Variants in BSDC1 observed in about 807,000 individuals in gnomAD.
BSDC1 encodes BSD domain containing 1.
In BSDC1, 29 loss-of-function variants were observed where a neutral mutation model predicts 56.0. That is an observed-to-expected ratio of 0.52 (90% CI 0.39 to 0.71). The LOEUF is 0.71. Ranked by LOEUF, BSDC1 falls within the 30% of genes least tolerant of loss-of-function variation. The pLI is 0.00. For missense variants in BSDC1, 477 were observed against 548.5 expected, an observed-to-expected ratio of 0.87 and a Z score of 1.30; for synonymous variants, 210 against 215.3, an observed-to-expected ratio of 0.98 and a Z score of 0.21.
rs1424040179 is a variant in BSDC1 at position 32,376,479 on chromosome 1, G to A, written c.939C>T (p.Ser313=). The A allele has an allele frequency of 9.3e-6, 15 of 1,612,328 alleles. No homozygotes were observed. Among genetic ancestry groups the A allele is most frequent in the Non-Finnish European group, 1.3e-5 (15 of 1,178,660 alleles). The change falls in exon 9 of 11, where the codon TCC becomes TCT. Residue 313 remains serine, a synonymous_variant. Coordinates refer to ENST00000455895, the MANE Select transcript of BSDC1 (RefSeq NM_018045.8). The part of the protein sequence containing the change: ...KDLSQKLLEA[S]LEEQGLAVDV... ...CCACAGCCAGGCCCTGTTCCTCCAAGGATGCCTCTAGCAGCTTTTGGGACA... is the reference window on the plus strand; with the variant it reads ...CCACAGCCAGGCCCTGTTCCTCCAAAGATGCCTCTAGCAGCTTTTGGGACA...
Position 32,368,492 on chromosome 1 carries a change from T to C in BSDC1, c.1215A>G (p.Glu405=). The change falls in exon 10 of 11, where the codon GAA becomes GAG. Residue 405 remains glutamate, a synonymous_variant. Transcript: ENST00000455895. ...WEKDFDLDMT[E]EEVQMALSKV... is the part of the protein sequence containing the mutation. Reference sequence around the variant, plus strand: ...TGGAAAGTGCCATCTGCACCTCCTCTTCAGTCATGTCCAAGTCAAAGTCTT... The same window carrying C: ...TGGAAAGTGCCATCTGCACCTCCTCCTCAGTCATGTCCAAGTCAAAGTCTT... 1 of 1,614,154 alleles carries C rather than the reference T, an allele frequency of 6.2e-7. No homozygotes were observed. Among genetic ancestry groups the C allele is most frequent in the Non-Finnish European group, 8.5e-7 (1 of 1,180,020 alleles).
chr1:32,394,050 T>A, intron 2 of BSDC1, 30 bp downstream of exon 2: 2 of 1,600,802 alleles, frequency 1.2e-6, no homozygotes, highest in Non-Finnish European at 8.5e-7. Flanking sequence ...AGGGCCCTGC[T>A]GAGGGAAGAA....
chr1:32,369,061 T>A (rs1344505742), intron 9 of BSDC1, among the ~76,000 whole-genome samples: 1 of 152,018 alleles, frequency 6.6e-6, no homozygotes, highest in Non-Finnish European at 1.5e-5. Context: ...TAGCAAAGAG[T>A]GTTCACTGCA....
chr1:32,368,217 A>G, intron 10 of BSDC1: 1 of 1,458,974 alleles, frequency 6.9e-7, no homozygotes, highest in Non-Finnish European at 9.0e-7. Flanking sequence ...TTTGATACAG[A>G]GCTAAGGTCA....
intron 9 of BSDC1, among the ~76,000 whole-genome samples, chr1:32,371,575 G>T (rs1395159876): frequency 6.6e-6 from 1 of 151,988 alleles, no homozygotes; most frequent in Non-Finnish European, 1.5e-5. Context: ...TTCCCAAAGT[G>T]CTGAGATTAC....
At position 32,377,997 on chromosome 1, in the gene BSDC1, C is replaced by G; in HGVS notation, c.649G>C (p.Glu217Gln). ...TCCTCCTCCTCCCAGCCGGGCTCTT[C>G]AGAGATGCTCTGTTCCGCCCGCTGC... The part of the protein sequence containing the change: ...LKQRAEQSIS[E>Q]EPGWEEEEEE... The change falls in exon 8 of 11, where the codon GAA becomes CAA. Residue 217 changes from glutamate to glutamine, a missense_variant. Glu to Gln is a conservative substitution (Grantham distance 29). Transcript: ENST00000455895. 1 of 1,613,502 alleles carries G rather than the reference C, an allele frequency of 6.2e-7. No homozygotes were observed. Among genetic ancestry groups the G allele is most frequent in the Non-Finnish European group, 8.5e-7 (1 of 1,179,694 alleles).
rs762062939 is a variant in BSDC1, at chr1:32,378,291, G to A, written c.529-8C>T. The A allele has an allele frequency of 1.2e-6, 2 of 1,614,108 alleles. No homozygotes were observed. The highest frequency in any genetic ancestry group is 2.2e-5 in the South Asian group (2 of 91,080). On this transcript the variant is annotated splice_region_variant and splice_polypyrimidine_tract_variant and intron_variant, in intron 6 of 10. Transcript: ENST00000455895. The surrounding 1 kb of genome is among the most constrained non-coding windows in gnomAD (Gnocchi z 5.2). ...GGAAACAGCTGCTGGAACCTGGAGG[G>A]AGGGGAAAATGGAGGTGAGACTTTG...
intron 10 of BSDC1, chr1:32,367,093 G>A (rs192857539): frequency 7.1e-6 from 7 of 988,162 alleles, no homozygotes; most frequent in Middle Eastern, 5.2e-4. Context: ...TAGTCTTTGG[G>A]TGAATGGAGG....
chr1:32,378,428 C>A lies in BSDC1; in HGVS notation c.529-145G>T. ...GTGACAGTCAGAGCACTTCCACCCC[C>A]ACCAAAGTTTCAGCCAGACCCACCT... On this transcript the variant is annotated intron_variant, in intron 6 of 10. Coordinates refer to ENST00000455895, the MANE Select transcript of BSDC1 (RefSeq NM_018045.8). The surrounding 1 kb of genome is among the most constrained non-coding windows in gnomAD (Gnocchi z 5.2). 1 of 819,388 alleles carries A rather than the reference C, an allele frequency of 1.2e-6. No homozygotes were observed. The allele number at this position is 819,388 out of a possible 1,614,324, so 50.8% of individuals were successfully genotyped here.
intron 9 of BSDC1, chr1:32,369,133 A>G (rs1261298134): frequency 1.9e-6 from 1 of 527,278 alleles, no homozygotes; most frequent in Non-Finnish European, 3.0e-6. Flanking sequence ...GGAATTAGAC[A>G]AGTAAACAGT....
At chr1:32,380,258 G>A (rs1377763542) in intron 5 of BSDC1, among the ~76,000 whole-genome samples, 1 of 152,144 alleles carries the variant, frequency 6.6e-6, no homozygotes, top group East Asian at 1.9e-4. Context: ...ACTAAAAGGC[G>A]GGTGCTCCCT....
At position 32,378,529 on chromosome 1, in the gene BSDC1, C is replaced by T. The variant is rs539284480; in HGVS notation, c.528+195G>A. On this transcript the variant is annotated intron_variant, in intron 6 of 10. Coordinates refer to ENST00000455895, the MANE Select transcript of BSDC1 (RefSeq NM_018045.8). The surrounding 1 kb of genome is among the most constrained non-coding windows in gnomAD (Gnocchi z 5.2). ...GCTGGCCCTTCCATTTCTCACCATT[C>T]TCTGATTGCCAGAAGCCTGGCAAAC... is the stretch of plus-strand genomic sequence containing the variant. Among the ~76,000 whole-genome samples the T allele has an allele frequency of 2.6e-4, 39 of 152,334 alleles. No individual in the cohort carries two copies. The South Asian group carries it at 7.9e-3, about 31-fold the overall frequency.
At chr1:32,381,964 C>T (rs1439927043) in intron 4 of BSDC1, among the ~76,000 whole-genome samples, 1 of 152,186 alleles carries the variant, frequency 6.6e-6, no homozygotes, top group Non-Finnish European at 1.5e-5. Context: ...CGGTGGCTCA[C>T]GCCTGTAATC....
rs754661592 is a variant in BSDC1, at chr1:32,378,223, A to G, written c.589T>C (p.Leu197=). 2 of 1,614,226 alleles carry G rather than the reference A, an allele frequency of 1.2e-6. No individual in the cohort carries two copies. The highest frequency in any genetic ancestry group is 2.2e-5 in the South Asian group (2 of 91,090). ...ATGCTAGACCAGCATACCTGCTCTA[A>G]CTGATGGACTTTATAGAAATACCGA... ...WHRYFYKVHQ[L]EQEQARRDAL... is the part of the protein sequence containing the mutation. The change falls in exon 7 of 11, where the codon TTA becomes CTA. Residue 197 remains leucine, a synonymous_variant. Coordinates refer to ENST00000455895, the MANE Select transcript of BSDC1 (RefSeq NM_018045.8). This position sits in a 1 kb window ranked among gnomAD's most constrained non-coding sequence, Gnocchi z 5.2.
In BSDC1 at chr1:32,365,702, G is replaced by T. The variant is rs747000961; in HGVS notation, c.*920C>A. The T allele has an allele frequency of 6.6e-6, 1 of 152,656 alleles. No individual in the cohort carries two copies. The highest frequency in any genetic ancestry group is 1.5e-5 in the Non-Finnish European group (1 of 68,056). 9.5% of individuals were successfully genotyped at this position (152,656 alleles called of 1,614,324 possible). ...CTTCCAGAAGCAGAAGGGCTGAGGC[G>T]GAGAAGCTAGGCTTACCAGAGTTGT... On this transcript the variant is annotated 3_prime_UTR_variant, in exon 11 of 11. Coordinates refer to ENST00000455895, the MANE Select transcript of BSDC1 (RefSeq NM_018045.8).
rs938762708 is a variant in BSDC1 at position 32,394,119 on chromosome 1, C to A, written c.33G>T (p.Arg11=). Residue 11 remains arginine (R), a synonymous_variant, in exon 2 of 11, where the codon CGG becomes CGT. Transcript: ENST00000455895. ...CTTGGTAGCTCTGCTGCAGCCAGCT[C>A]CGCCACCATCCCACGTCCTCCCTGT... MAEGEDVGWW[R]SWLQQSYQAV... The A allele has an allele frequency of 3.7e-6, 6 of 1,609,684 alleles. 1 individual carries two copies. The African/African-American group carries it at 4.0e-5, about 11-fold the overall frequency.
At chr1:32,393,664 T>C (rs1042181172) in intron 2 of BSDC1, 3 of 175,806 alleles carry the variant, frequency 1.7e-5, no homozygotes, top group Non-Finnish European at 3.7e-5. Context: ...GAAGTCTGTA[T>C]CCTCAAGACC....
chr1:32,381,129 G>T, intron 5 of BSDC1, 85 bp downstream of exon 5: 1 of 1,407,584 alleles, frequency 7.1e-7, no homozygotes, highest in Non-Finnish European at 1.0e-6. Flanking sequence ...CCCGGCCTCT[G>T]CTACCTGAGA....
rs1250509679 is a variant in BSDC1, at chr1:32,378,851, C to T, written c.413-12G>A. The T allele has an allele frequency of 1.2e-5, 18 of 1,469,400 alleles. No individual in the cohort carries two copies. The highest frequency in any genetic ancestry group is 1.6e-5 in the Non-Finnish European group (18 of 1,105,058). 91.0% of individuals were successfully genotyped at this position (1,469,400 alleles called of 1,614,324 possible). ...CAATTCCGGGGGCCCTGCAGAGGGA[C>T]AGATGCTGACGGTCAGTTGCCTTGG... On this transcript the variant is annotated splice_polypyrimidine_tract_variant and intron_variant, in intron 5 of 10. Coordinates refer to ENST00000455895, the MANE Select transcript of BSDC1 (RefSeq NM_018045.8). The surrounding 1 kb of genome is among the most constrained non-coding windows in gnomAD (Gnocchi z 5.2).
Sources: gnomAD v4.1 joint callset for allele counts (sites outside exome capture counted in the v4.1 genomes callset) on GRCh38, gnomAD v4.1.1 for gene constraint, Gnocchi (gnomAD v3.1) non-coding constraint, MANE v1.5 for transcripts, NCBI Gene and HGNC (gene_info 2026-07-23, HGNC 2026-07-21) for gene names.